SFTPD: variants seen among roughly 807,000 people sequenced by gnomAD.
SFTPD encodes the protein surfactant protein D.
A neutral mutation model predicts 34.6 loss-of-function variants in SFTPD; 18 were observed. The observed-to-expected ratio is 0.52, with a 90% CI of 0.36 to 0.77. SFTPD has a LOEUF of 0.77. SFTPD is among the 30% of genes least tolerant of loss of function. SFTPD has a pLI of 0.00. For synonymous variants in SFTPD, 155 were observed against 180.9 expected (o/e 0.86, Z 1.15); for missense variants, 433 against 468.9 (o/e 0.92, Z 0.71).
chr10:79,947,615 G>A (rs7074156), intron 1 of SFTPD, among the ~76,000 whole-genome samples: 17,571 of 152,072 alleles, frequency 0.12, 1,444 homozygotes, highest in African/African-American at 0.22. Context: ...TCTTGAACCC[G>A]GGAGGTGGAG....
chr10:79,963,132 C>T (rs995189751), intron 1 of SFTPD, among the ~76,000 whole-genome samples: 1 of 151,960 alleles, frequency 6.6e-6, no homozygotes, highest in Non-Finnish European at 1.5e-5. Flanking sequence ...TCTTTGAGGC[C>T]AGGAGTTTGA....
At chr10:79,956,878 C>T (rs1457094100) in intron 1 of SFTPD, among the ~76,000 whole-genome samples, 1 of 152,202 alleles carries the variant, frequency 6.6e-6, no homozygotes, top group Non-Finnish European at 1.5e-5. Context: ...GACCCCAGAG[C>T]AGCCTAACTG....
chr10:79,963,489 A>G (rs1300374765), intron 1 of SFTPD, among the ~76,000 whole-genome samples: 1 of 152,222 alleles, frequency 6.6e-6, no homozygotes, highest in African/African-American at 2.4e-5. Flanking sequence ...CTATCCTAGC[A>G]TAAGTGCTAA....
At chr10:79,975,321 G>T (rs1341610476) in intron 1 of SFTPD, among the ~76,000 whole-genome samples, 1 of 152,250 alleles carries the variant, frequency 6.6e-6, no homozygotes, top group Non-Finnish European at 1.5e-5. Context: ...AAATAAAACT[G>T]CTCTGTAACC....
At chr10:79,950,609 G>A (rs1401505297), upstream of SFTPD, 1 of 152,204 alleles carries the variant, frequency 6.6e-6, no homozygotes. Flanking sequence ...CTGCTTTTAG[G>A]ATGTTTTCCT....
intron 1 of SFTPD, among the ~76,000 whole-genome samples, chr10:79,963,224 TC>T (rs540467417): frequency 1.4e-4 from 21 of 152,098 alleles, no homozygotes; most frequent in South Asian, 6.2e-4. Flanking sequence ...ATTCCTGCAG[TC>T]CTAGCTACTT....
chr10:79,951,268 G>A (rs10887218), upstream of SFTPD, among the ~76,000 whole-genome samples: 22,303 of 152,010 alleles, frequency 0.15, 2,073 homozygotes, highest in East Asian at 0.41. Context: ...CTGGTTTTTC[G>A]TACTTCCAGA....
chr10:79,942,716 C>T, intron 3 of SFTPD, 47 bp downstream of exon 3: 1 of 1,301,968 alleles, frequency 7.7e-7, no homozygotes, highest in Non-Finnish European at 1.1e-6. Context: ...ATCCTTGCAG[C>T]TGCACCACCA....
chr10:79,938,041 C>T lies in SFTPD; in HGVS notation c.939G>A (p.Leu313=), dbSNP rs779427493. The change falls in exon 8 of 8, where the codon CTG becomes CTA. Residue 313 remains leucine (L), a synonymous_variant. Coordinates refer to ENST00000372292, the MANE Select transcript of SFTPD (RefSeq NM_003019.5). ...CCTCTGTCTTGGAATCAGTCATGCT[C>T]AGGAAAGCAGCCTCGTTCTTAGCTA... The part of the protein sequence containing the change: ...LVVAKNEAAF[L]SMTDSKTEGK... 4 of 1,614,074 alleles carry T rather than the reference C, an allele frequency of 2.5e-6. No homozygotes were observed. The highest frequency in any genetic ancestry group is 1.1e-5 in the South Asian group (1 of 91,080).
chr10:79,978,464 C>A (rs1842874011), intron 1 of SFTPD, among the ~76,000 whole-genome samples: 1 of 151,854 alleles, frequency 6.6e-6, no homozygotes, highest in Non-Finnish European at 1.5e-5. Context: ...CCAGCATGGG[C>A]AACATGATGA....
intron 6 of SFTPD, among the ~76,000 whole-genome samples, chr10:79,941,138 A>G (rs2132493308): frequency 6.6e-6 from 1 of 152,264 alleles, no homozygotes; most frequent in South Asian, 2.1e-4. Flanking sequence ...AAACTGTCCT[A>G]TGAATTGGGA....
At chr10:79,978,132 C>G (rs1461447071) in intron 1 of SFTPD, among the ~76,000 whole-genome samples, 1 of 152,122 alleles carries the variant, frequency 6.6e-6, no homozygotes, top group Non-Finnish European at 1.5e-5. Flanking sequence ...TTTGTAGTTA[C>G]AGTAGATTAG....
upstream of SFTPD, among the ~76,000 whole-genome samples, chr10:79,952,338 G>A (rs1215620904): frequency 2.6e-5 from 4 of 152,202 alleles, no homozygotes; most frequent in East Asian, 7.7e-4. Flanking sequence ...ACAGCCAACG[G>A]TCTATCTGGA....
chr10:79,942,914 C>G (rs1421483482), intron 2 of SFTPD, 35 bp from the exon 3 acceptor site: 8 of 1,434,074 alleles, frequency 5.6e-6, no homozygotes, highest in Non-Finnish European at 7.9e-6. Context: ...AAGACCTGGC[C>G]CTAGACCCAG....
At chr10:79,980,534 C>G (rs1040971946) in intron 1 of SFTPD, among the ~76,000 whole-genome samples, 20 of 152,210 alleles carry the variant, frequency 1.3e-4, no homozygotes, top group African/African-American at 4.6e-4. Context: ...GTGCTGGCTT[C>G]AGGTGTGACC....
chr10:79,963,923 C>G (rs1415017699), intron 1 of SFTPD, among the ~76,000 whole-genome samples: 2 of 152,074 alleles, frequency 1.3e-5, no homozygotes, highest in African/African-American at 4.8e-5. Context: ...TCTCTCTAAT[C>G]CACCTGGCAT....
intron 1 of SFTPD, among the ~76,000 whole-genome samples, chr10:79,948,727 A>C (rs969962423): frequency 1.3e-5 from 2 of 152,136 alleles, no homozygotes; most frequent in Non-Finnish European, 2.9e-5. Context: ...TTCTGAAGAA[A>C]TCAGTGCAGA....
At chr10:79,938,253 G>T (rs1381936983) in intron 7 of SFTPD, 25 bp from the exon 8 acceptor site, 2 of 1,564,020 alleles carry the variant, frequency 1.3e-6, no homozygotes, top group Non-Finnish European at 1.7e-6. Context: ...AAGTCAGGTT[G>T]GGGTTGTGGC....
chr10:79,940,180 T>G (rs561382996), intron 7 of SFTPD, among the ~76,000 whole-genome samples: 1 of 152,338 alleles, frequency 6.6e-6, no homozygotes, highest in South Asian at 2.1e-4. Context: ...TGCCTTGGGA[T>G]GTGCAGCAGC....
Sources: gnomAD v4.1 joint callset for allele counts (sites outside exome capture counted in the v4.1 genomes callset) on GRCh38, gnomAD v4.1.1 for gene constraint, MANE v1.5 for transcripts, NCBI Gene and HGNC (gene_info 2026-07-23, HGNC 2026-07-21) for gene names.